P3H2: variants seen among roughly 807,000 people sequenced by gnomAD.
P3H2 encodes leprecan-like 1.
P3H2 carries 80 observed loss-of-function variants against 87.0 expected under a neutral mutation model. The observed-to-expected ratio is 0.92, with a 90% CI of 0.77 to 1.11. The LOEUF is 1.11. Among genes scored for constraint, P3H2 ranks in the 50% least tolerant of loss-of-function variants. The pLI is 0.00. For missense variants in P3H2, 1,001 were observed against 923.9 expected, an observed-to-expected ratio of 1.08 and a Z score of -1.08; for synonymous variants, 367 against 359.3, an observed-to-expected ratio of 1.02 and a Z score of -0.24.
intron 1 of P3H2, among the ~76,000 whole-genome samples, chr3:190,054,438 G>A (rs985978546): frequency 6.6e-6 from 1 of 151,998 alleles, no homozygotes; most frequent in Non-Finnish European, 1.5e-5. Context: ...AAAAAAAAAA[G>A]ATCATAGAAT....
chr3:190,001,348 AG>A (rs755841482), intron 1 of P3H2, among the ~76,000 whole-genome samples: 1 of 152,220 alleles, frequency 6.6e-6, no homozygotes, highest in Non-Finnish European at 1.5e-5. Flanking sequence ...ACTCTTTTGA[AG>A]GTTTTTTGTA....
At chr3:189,958,715 T>A (rs1447206360) in intron 14 of P3H2, among the ~76,000 whole-genome samples, 1 of 132,244 alleles carries the variant, frequency 7.6e-6, no homozygotes, top group African/African-American at 2.7e-5. Flanking sequence ...TTTTTTTTTT[T>A]TTTTTGAGAT....
At chr3:190,022,782 G>A (rs1223774319) in intron 1 of P3H2, among the ~76,000 whole-genome samples, 1 of 151,970 alleles carries the variant, frequency 6.6e-6, no homozygotes, top group East Asian at 1.9e-4. Flanking sequence ...CCCCTCCTCC[G>A]AAGTTTCCGA....
intron 1 of P3H2, among the ~76,000 whole-genome samples, chr3:190,039,065 T>C (rs1176541814): frequency 6.6e-6 from 1 of 152,070 alleles, no homozygotes; most frequent in Non-Finnish European, 1.5e-5. Context: ...GGCATATGCC[T>C]GTAATCCCAG....
At chr3:190,088,498 T>C (rs1450367427) in intron 1 of P3H2, among the ~76,000 whole-genome samples, 2 of 152,158 alleles carry the variant, frequency 1.3e-5, no homozygotes, top group African/African-American at 4.8e-5. Flanking sequence ...TGTATTTAGG[T>C]TGTTACCAAA....
chr3:190,006,051 T>C (rs1291871740), intron 1 of P3H2, among the ~76,000 whole-genome samples: 1 of 152,190 alleles, frequency 6.6e-6, no homozygotes, highest in East Asian at 1.9e-4. Context: ...AAATATAAAC[T>C]CAAACATTTT....
chr3:189,984,303 A>C (rs1043324656), intron 7 of P3H2, among the ~76,000 whole-genome samples: 4 of 140,590 alleles, frequency 2.8e-5, no homozygotes, highest in African/African-American at 1.0e-4. Context: ...GATAGAAAGC[A>C]CCTGATTTAA....
chr3:190,069,235 G>A (rs980626481), intron 1 of P3H2, among the ~76,000 whole-genome samples: 20 of 152,170 alleles, frequency 1.3e-4, no homozygotes, highest in African/African-American at 3.6e-4. Flanking sequence ...TGATGACACA[G>A]TCTTGGTTTC....
intron 1 of P3H2, among the ~76,000 whole-genome samples, chr3:190,071,986 T>TTTTG (rs1429678652): frequency 1.3e-5 from 2 of 150,110 alleles, no homozygotes; most frequent in African/African-American, 4.9e-5. Context: ...GGGTTTTTTT[T>TTTTG]TTTTTTTTTT....
chr3:190,044,437 G>A (rs1522933), intron 1 of P3H2, among the ~76,000 whole-genome samples: 2,621 of 152,204 alleles, frequency 0.017, 64 homozygotes, highest in African/African-American at 0.058. Flanking sequence ...CACACCTCTC[G>A]CTAGAATGCA....
rs761582399 is a variant in P3H2, at chr3:189,972,879, A to T, written c.1694T>A (p.Leu565Gln). The change falls in exon 11 of 15, where the codon CTG (leucine) becomes CAG (glutamine). Residue 565 changes from leucine to glutamine, a missense_variant. By Grantham distance (113) the Leu-to-Gln change is moderately radical (BLOSUM62 -2). Transcript: ENST00000319332. The stretch of plus-strand genomic sequence containing the variant: ...ATTTCAGACTGCAATCTCACCAGAC[A>T]GGGCTGTTCGGCAGACCATGTGTGT... The part of the protein sequence containing the change: ...SYTHMVCRTA[L>Q]SGQQDRRNDL... The T allele has an allele frequency of 6.2e-6, 10 of 1,614,146 alleles. No homozygotes were observed. The highest frequency in any genetic ancestry group is 6.8e-6 in the Non-Finnish European group (8 of 1,179,980).
At chr3:189,970,058 C>T (rs547208985) in intron 13 of P3H2, among the ~76,000 whole-genome samples, 1 of 150,096 alleles carries the variant, frequency 6.7e-6, no homozygotes, top group South Asian at 2.1e-4. Flanking sequence ...GGAAGATGGT[C>T]GTTGAATTGA....
At chr3:190,111,137 G>A (rs1401860153) in intron 1 of P3H2, among the ~76,000 whole-genome samples, 1 of 152,296 alleles carries the variant, frequency 6.6e-6, no homozygotes, top group Middle Eastern at 3.4e-3. Context: ...CATTGACTCA[G>A]GTTCTTATTT....
chr3:190,093,513 A>G (rs1348578574), intron 1 of P3H2, among the ~76,000 whole-genome samples: 1 of 152,210 alleles, frequency 6.6e-6, no homozygotes, highest in African/African-American at 2.4e-5. Flanking sequence ...AAAATTATTA[A>G]GGCAGTGTCC....
intron 1 of P3H2, among the ~76,000 whole-genome samples, chr3:190,101,637 G>A (rs1339721341): frequency 6.6e-6 from 1 of 151,360 alleles, no homozygotes; most frequent in East Asian, 1.9e-4. Flanking sequence ...TGGTTCATGA[G>A]GTCTAAAAAA....
chr3:190,032,960 T>C (rs1435961851), intron 1 of P3H2, among the ~76,000 whole-genome samples: 1 of 152,214 alleles, frequency 6.6e-6, no homozygotes, highest in Non-Finnish European at 1.5e-5. Context: ...CAACTCACCA[T>C]AATGTAGAAT....
At chr3:189,987,810 C>T in intron 4 of P3H2, 141 bp from the exon 5 acceptor site, 1 of 894,490 alleles carries the variant, frequency 1.1e-6, no homozygotes, top group Non-Finnish European at 1.8e-6. Context: ...GCAGAGAAAG[C>T]AGAAACAGTC....
rs710553 is a variant in P3H2 at position 189,981,226 on chromosome 3, A to T, written c.1324+1820T>A. The stretch of plus-strand genomic sequence containing the variant: ...CAGGATCATGGGAACACTGGTTTGT[A>T]GCTGGTCAATGAGGGGTTGGTCAGA... On this transcript the variant is annotated intron_variant, in intron 8 of 14. Coordinates refer to ENST00000319332, the MANE Select transcript of P3H2 (RefSeq NM_018192.4). Among the ~76,000 whole-genome samples, 299 of 152,274 alleles carry T rather than the reference A, an allele frequency of 2.0e-3. 1 individual carries two copies. Among genetic ancestry groups the T allele is most frequent in the African/African-American group, 6.8e-3 (283 of 41,576 alleles).
At position 189,974,157 on chromosome 3, in the gene P3H2, T is replaced by C; in HGVS notation, c.1453-153A>G. ...GATGCTGGTATAACTATTCTTTTAA[T>C]TAAAAGAGATATCTTTATTTAATCT... On this transcript the variant is annotated intron_variant, in intron 9 of 14. Transcript: ENST00000319332. 6.0e-6 allele frequency: 4 copies of C among 664,694 alleles called. No individual in the cohort carries two copies. In the South Asian group the frequency reaches 6.9e-5, roughly 11 times the overall value. 41.2% of individuals were successfully genotyped at this position (664,694 alleles called of 1,614,324 possible). A position where few individuals can be genotyped will look rare whatever the true frequency, so the allele number is the denominator to read the frequency against.
Sources: gnomAD v4.1 joint callset for allele counts (sites outside exome capture counted in the v4.1 genomes callset) on GRCh38, gnomAD v4.1.1 for gene constraint, MANE v1.5 for transcripts, NCBI Gene and HGNC (gene_info 2026-07-23, HGNC 2026-07-21) for gene names.